The following LMO7 variants were observed in gnomAD, a reference collection of about 807,000 sequenced individuals.
The protein encoded by LMO7 is LIM domain only protein 7.
A neutral mutation model predicts 206.5 loss-of-function variants in LMO7; 120 were observed. That is an observed-to-expected ratio of 0.58 (90% CI 0.50 to 0.68). The LOEUF (loss-of-function observed/expected upper bound fraction) is 0.68, where lower values mean the gene tolerates loss of function less well. Among genes scored for constraint, LMO7 ranks in the 30% least tolerant of loss-of-function variants. The pLI, the probability that LMO7 is intolerant of heterozygous loss-of-function variation, is 0.00. For missense variants in LMO7, 1,959 were observed against 1,957.9 expected, an observed-to-expected ratio of 1.00 and a Z score of -0.01; for synonymous variants, 706 against 681.5, an observed-to-expected ratio of 1.04 and a Z score of -0.56.
chr13:75,717,212 A>C (rs1383635505), intron 2 of LMO7, among the ~76,000 whole-genome samples: 1 of 151,716 alleles, frequency 6.6e-6, no homozygotes, highest in Admixed American at 6.6e-5. Context: ...AAATACAAAA[A>C]ATTAGCCGGG....
chr13:75,735,098 A>T (rs1459753089), intron 3 of LMO7, among the ~76,000 whole-genome samples: 1 of 135,986 alleles, frequency 7.4e-6, no homozygotes, highest in Non-Finnish European at 1.6e-5. Context: ...ACTCCGTCTC[A>T]AAAAAAAAAA....
At chr13:75,841,375 C>A (rs138471547) in intron 23 of LMO7, among the ~76,000 whole-genome samples, 174 bp downstream of exon 23, 1 of 152,146 alleles carries the variant, frequency 6.6e-6, no homozygotes, top group Non-Finnish European at 1.5e-5. Context: ...GATGTTGCAG[C>A]CTTTCTCCTA....
At position 75,807,124 on chromosome 13, in the gene LMO7, C is replaced by T. The variant is rs540422477; in HGVS notation, c.1197-356C>T. ...GACAGAGTGAGACTCTGTCTCAGAA[C>T]AAACAAACAAACAAACAAACAAAAA... On this transcript the variant is annotated intron_variant, in intron 9 of 30. Transcript: ENST00000377534. 20 of 195,890 alleles carry T rather than the reference C, an allele frequency of 1.0e-4. No individual in the cohort carries two copies. In the East Asian group the frequency reaches 1.9e-3, roughly 18 times the overall value. 12.1% of individuals were successfully genotyped at this position (195,890 alleles called of 1,614,324 possible).
chr13:75,621,876 T>C, intron 1 of LMO7: 2 of 1,576,518 alleles, frequency 1.3e-6, no homozygotes, highest in Middle Eastern at 1.7e-4. Context: ...AAGGTAATAA[T>C]AGTTCCTTGA....
intron 10 of LMO7, among the ~76,000 whole-genome samples, chr13:75,808,571 C>T: frequency 6.6e-6 from 1 of 152,206 alleles, no homozygotes; most frequent in East Asian, 1.9e-4. Flanking sequence ...TTTAGAGTGT[C>T]TGATTTTTTT....
At position 75,841,218 on chromosome 13, in the gene LMO7, C is replaced by T. The variant is rs557930652; in HGVS notation, c.3675+17C>T. 2.6e-6 allele frequency: 4 copies of T among 1,525,920 alleles called. No individual in the cohort carries two copies. In the South Asian group the frequency reaches 4.6e-5, roughly 18 times the overall value. The allele number at this position is 1,525,920 out of a possible 1,614,324, so 94.5% of individuals were successfully genotyped here. A position where few individuals can be genotyped will look rare whatever the true frequency, so the allele number is the denominator to read the frequency against. On this transcript the variant is annotated intron_variant, in intron 23 of 30. Transcript: ENST00000377534. ...TTGGATGAGGTAGTGTTAGAACATG[C>T]CTGTTTAGTTTTTCTTCTCTTTACC...
chr13:75,850,957 T>A (rs1367384648), intron 27 of LMO7, among the ~76,000 whole-genome samples: 2 of 150,930 alleles, frequency 1.3e-5, no homozygotes, highest in Non-Finnish European at 3.0e-5. Flanking sequence ...GAGGGGCCTG[T>A]GTTCTGCATA....
intron 2 of LMO7, among the ~76,000 whole-genome samples, chr13:75,714,817 G>A (rs970367482): frequency 1.1e-4 from 17 of 151,988 alleles, no homozygotes; most frequent in African/African-American, 3.6e-4. Context: ...AGAAGATGGA[G>A]GGGAAACATT....
chr13:75,737,256 C>T (rs993783007), intron 3 of LMO7, among the ~76,000 whole-genome samples: 7 of 152,140 alleles, frequency 4.6e-5, no homozygotes, highest in East Asian at 1.9e-4. Context: ...AGAACACCTG[C>T]GATTGCTGGC....
rs182552707 is a variant in LMO7, at chr13:75,664,001, T to A, written c.69+27275T>A. Among the ~76,000 whole-genome samples the A allele has an allele frequency of 3.1e-3, 469 of 152,290 alleles. 4 individuals carry two copies. The highest frequency in any genetic ancestry group is 4.2e-3 in the Admixed American group (64 of 15,300). ...GTTACGAACAATCCAATTATACTCTTTCAGTTATTTTAAAATGTATGGTTA... is the reference window on the plus strand; with the variant it reads ...GTTACGAACAATCCAATTATACTCTATCAGTTATTTTAAAATGTATGGTTA... On this transcript the variant is annotated intron_variant, in intron 1 of 30. Coordinates refer to ENST00000377534, the MANE Select transcript of LMO7 (RefSeq NM_001306080.2).
At chr13:75,736,708 C>T (rs550870031) in intron 3 of LMO7, among the ~76,000 whole-genome samples, 3 of 152,196 alleles carry the variant, frequency 2.0e-5, no homozygotes, top group African/African-American at 4.8e-5. Context: ...TGGACTGTGA[C>T]ATTTGCTGCA....
chr13:75,665,194 T>C (rs886671464), intron 1 of LMO7, among the ~76,000 whole-genome samples: 2 of 152,156 alleles, frequency 1.3e-5, no homozygotes, highest in Non-Finnish European at 2.9e-5. Context: ...ATTTTGTTAG[T>C]AATTTTCTTA....
At chr13:75,705,942 T>C (rs2042618234) in intron 1 of LMO7, among the ~76,000 whole-genome samples, 1 of 141,634 alleles carries the variant, frequency 7.1e-6, no homozygotes, top group African/African-American at 2.5e-5. Context: ...AAAACAGACA[T>C]TTATCTGCTA....
chr13:75,713,104 T>C, intron 1 of LMO7, 78 bp from the exon 2 acceptor site: 1 of 939,452 alleles, frequency 1.1e-6, no homozygotes, highest in Non-Finnish European at 1.7e-6. Context: ...TAAATGCATA[T>C]TAATTAATCT....
intron 2 of LMO7, among the ~76,000 whole-genome samples, chr13:75,715,101 C>T (rs1200331128): frequency 6.6e-6 from 1 of 152,194 alleles, no homozygotes; most frequent in Non-Finnish European, 1.5e-5. Flanking sequence ...AGGGGTCCCA[C>T]TTTTGGGGCA....
chr13:75,764,771 G>A (rs2048637921), intron 4 of LMO7, among the ~76,000 whole-genome samples: 1 of 152,088 alleles, frequency 6.6e-6, no homozygotes, highest in Non-Finnish European at 1.5e-5. Flanking sequence ...CAAGTCTTCA[G>A]ATACATTCTG....
chr13:75,779,343 G>C (rs1180325816), intron 4 of LMO7, among the ~76,000 whole-genome samples: 1 of 152,116 alleles, frequency 6.6e-6, no homozygotes, highest in Non-Finnish European at 1.5e-5. Flanking sequence ...GATGGGGATG[G>C]GGGGAGAACT....
rs139386071 is a variant in LMO7, at chr13:75,704,944, G to A, written c.70-8238G>A. On this transcript the variant is annotated intron_variant, in intron 1 of 30. Transcript: ENST00000377534. ...GGGTTTTTTGAAATTTATATACTTG[G>A]CAATTATTGCCTTAATATTTATCTG... 7.2e-5 allele frequency among the ~76,000 whole-genome samples: 11 copies of A among 152,288 alleles called. No individual in the cohort carries two copies. The East Asian group carries it at 1.9e-3, about 27-fold the overall frequency.
chr13:75,743,022 A>G (rs2046537857), intron 3 of LMO7, among the ~76,000 whole-genome samples: 1 of 152,214 alleles, frequency 6.6e-6, no homozygotes, highest in Non-Finnish European at 1.5e-5. Context: ...AAACAAATGT[A>G]CAAGAAAAAA....
Sources: allele counts gnomAD v4.1 joint callset (sites outside exome capture counted in the v4.1 genomes callset), GRCh38; gene constraint gnomAD v4.1.1; transcripts MANE v1.5; gene names NCBI Gene and HGNC (gene_info 2026-07-23, HGNC 2026-07-21).